The following PBX4 variants were observed in gnomAD, a reference collection of about 807,000 sequenced individuals.
PBX4 encodes the protein pre-B-cell leukemia transcription factor 4.
In PBX4, 26 loss-of-function variants were observed where a neutral mutation model predicts 35.1. That is an observed-to-expected ratio of 0.74 (90% CI 0.54 to 1.03). The LOEUF (loss-of-function observed/expected upper bound fraction) is 1.03. Among genes scored for constraint, PBX4 ranks in the 50% least tolerant of loss-of-function variants. The probability of loss-of-function intolerance (pLI) is 0.00; values close to 1 mark genes in which losing one functional copy is unlikely to be tolerated. For missense variants in PBX4, 448 were observed against 504.3 expected, an observed-to-expected ratio of 0.89 and a Z score of 1.07; for synonymous variants, 199 against 204.2, an observed-to-expected ratio of 0.97 and a Z score of 0.22.
intron 1 of PBX4, among the ~76,000 whole-genome samples, chr19:19,614,855 G>A (rs1316187630): frequency 6.6e-6 from 1 of 151,678 alleles, no homozygotes; most frequent in Non-Finnish European, 1.5e-5. Flanking sequence ...AACATAGGGA[G>A]ACCTAAAAAA....
At chr19:19,599,267 A>T in intron 2 of PBX4, 25 bp downstream of exon 2, 1 of 1,592,282 alleles carries the variant, frequency 6.3e-7, no homozygotes, top group Non-Finnish European at 8.6e-7. Flanking sequence ...ACGCTCGGCC[A>T]GAAAGTGTCT....
intron 1 of PBX4, among the ~76,000 whole-genome samples, chr19:19,610,726 G>A (rs1462401902): frequency 6.6e-6 from 1 of 152,168 alleles, no homozygotes; most frequent in Admixed American, 6.6e-5. Flanking sequence ...CTGCACTCCA[G>A]CCTGGGTGAT....
At chr19:19,574,243 A>G (rs1166580478) in intron 2 of PBX4, among the ~76,000 whole-genome samples, 1 of 152,240 alleles carries the variant, frequency 6.6e-6, no homozygotes. Context: ...ATCAGGATAC[A>G]TCCCCTTGGG....
rs2061322927 is a variant in PBX4, at chr19:19,563,693, G to A, written c.926-78C>T. The A allele has an allele frequency of 7.9e-7, 1 of 1,259,126 alleles. No homozygotes were observed. The highest frequency in any genetic ancestry group is 2.0e-5 in the Admixed American group (1 of 50,466). The allele number at this position is 1,259,126 out of a possible 1,614,324, so 78.0% of individuals were successfully genotyped here. A position where few individuals can be genotyped will look rare whatever the true frequency, so the allele number is the denominator to read the frequency against. ...AACCCACCCAGCCCCTCAGCCGGCA[G>A]GAGGCCTCGAATGTGGCTCCTGCCC... On this transcript the variant is annotated intron_variant, in intron 6 of 7. Transcript: ENST00000251203. The surrounding 1 kb of genome is among the most constrained non-coding windows in gnomAD (Gnocchi z 5.1).
At chr19:19,582,957 A>G (rs905859812) in intron 2 of PBX4, among the ~76,000 whole-genome samples, 1 of 152,076 alleles carries the variant, frequency 6.6e-6, no homozygotes, top group African/African-American at 2.4e-5. Flanking sequence ...AAAAGGGAAC[A>G]CTCCTGTTTC....
intron 1 of PBX4, among the ~76,000 whole-genome samples, chr19:19,610,948 A>G (rs546650295): frequency 1.3e-4 from 20 of 152,234 alleles, no homozygotes; most frequent in African/African-American, 3.9e-4. Context: ...ATGAAATCCT[A>G]CTTCCCAGGT....
chr19:19,604,169 A>T (rs1410330888), intron 1 of PBX4, among the ~76,000 whole-genome samples: 1 of 152,044 alleles, frequency 6.6e-6, no homozygotes, highest in Non-Finnish European at 1.5e-5. Context: ...CAGAAATCAG[A>T]TTTGATTAAC....
At position 19,574,207 on chromosome 19, in the gene PBX4, G is replaced by C. The variant is rs532905101; in HGVS notation, c.194-3374C>G. 2.0e-5 allele frequency among the ~76,000 whole-genome samples: 3 copies of C among 152,274 alleles called. No individual in the cohort carries two copies. In the South Asian group the frequency reaches 6.2e-4, roughly 32 times the overall value. On this transcript the variant is annotated intron_variant, in intron 2 of 7. Coordinates refer to ENST00000251203, the MANE Select transcript of PBX4 (RefSeq NM_025245.3). ...CTAAAATTTCTACCACCAAGTCTAT[G>C]AAAAATCATCACCAGGAATGAGGGC...
At chr19:19,567,527 C>T (rs2061350181) in intron 5 of PBX4, among the ~76,000 whole-genome samples, 1 of 152,164 alleles carries the variant, frequency 6.6e-6, no homozygotes, top group Non-Finnish European at 1.5e-5. Flanking sequence ...CCTGCCATTC[C>T]TGCTGCCATA....
rs1284503427 is a variant in PBX4, at chr19:19,618,667, C to CGAGCCT, written c.-44_-39dup. On this transcript the variant is annotated 5_prime_UTR_variant, in exon 1 of 8. Transcript: ENST00000251203. ...CGGGCGGGCGCTGTGAGGGTGCCGT[C>CGAGCCT]GAGCCTGGAGCACTACCACTGGCGC... 2 of 1,192,848 alleles carry CGAGCCT rather than the reference C, an allele frequency of 1.7e-6. No individual in the cohort carries two copies. The highest frequency in any genetic ancestry group is 2.1e-6 in the Non-Finnish European group (2 of 963,190). 73.9% of individuals were successfully genotyped at this position (1,192,848 alleles called of 1,614,324 possible).
At chr19:19,577,676 C>G (rs1025172039) in intron 2 of PBX4, among the ~76,000 whole-genome samples, 3 of 151,634 alleles carry the variant, frequency 2.0e-5, no homozygotes, top group African/African-American at 7.3e-5. Context: ...CTGGCTGACA[C>G]GGTGAAACCC....
chr19:19,572,921 G>A (rs938009362), intron 2 of PBX4, among the ~76,000 whole-genome samples: 1 of 149,382 alleles, frequency 6.7e-6, no homozygotes, highest in Non-Finnish European at 1.5e-5. Context: ...AAGCACACAT[G>A]CAACAAATTT....
intron 1 of PBX4, among the ~76,000 whole-genome samples, chr19:19,612,747 C>A (rs2061669261): frequency 6.6e-6 from 1 of 152,032 alleles, no homozygotes; most frequent in South Asian, 2.1e-4. Flanking sequence ...GGGGTCATCC[C>A]AATTCAGAAA....
chr19:19,570,054 C>T (rs1367513288), intron 4 of PBX4, 55 bp downstream of exon 4: 4 of 1,511,270 alleles, frequency 2.6e-6, no homozygotes, highest in Non-Finnish European at 3.5e-6. Context: ...AGCACTATTT[C>T]CCTCCAGTCC....
chr19:19,569,234 A>T (rs2061364625), intron 5 of PBX4, among the ~76,000 whole-genome samples: 1 of 151,918 alleles, frequency 6.6e-6, no homozygotes, highest in Non-Finnish European at 1.5e-5. Flanking sequence ...AATTTTTTAA[A>T]TTTTTTGTAG....
chr19:19,614,641 C>A (rs998063349), intron 1 of PBX4, among the ~76,000 whole-genome samples: 1 of 152,010 alleles, frequency 6.6e-6, no homozygotes, highest in African/African-American at 2.4e-5. Context: ...GCCTGGACAA[C>A]AGAGTATGAG....
At chr19:19,593,217 A>AC (rs980611670) in intron 2 of PBX4, among the ~76,000 whole-genome samples, 27 of 152,192 alleles carry the variant, frequency 1.8e-4, no homozygotes, top group African/African-American at 6.0e-4. Flanking sequence ...GTCCTGCCCC[A>AC]CCAGGCTTTA....
intron 2 of PBX4, among the ~76,000 whole-genome samples, chr19:19,598,320 G>A (rs1865037): frequency 0.45 from 62,257 of 138,776 alleles, 14,345 homozygotes; most frequent in African/African-American, 0.55. Context: ...TTTTTGAGAC[G>A]GAGTCTTACT....
chr19:19,607,631 T>G (rs1276202362), intron 1 of PBX4, among the ~76,000 whole-genome samples: 1 of 152,204 alleles, frequency 6.6e-6, no homozygotes, highest in Non-Finnish European at 1.5e-5. Context: ...ACATTTATTG[T>G]GGAAGTACCA....
Sources: allele counts gnomAD v4.1 joint callset (sites outside exome capture counted in the v4.1 genomes callset), GRCh38; gene constraint gnomAD v4.1.1; non-coding constraint Gnocchi (gnomAD v3.1); transcripts MANE v1.5; gene names NCBI Gene and HGNC (gene_info 2026-07-23, HGNC 2026-07-21).